Variants in TPH2 observed in about 807,000 individuals in gnomAD.
TPH2 encodes the protein tryptophan hydroxylase 2, also known as tryptophan 5-hydroxylase 2.
In TPH2, 27 loss-of-function variants were observed where a neutral mutation model predicts 59.1. That is an observed-to-expected ratio of 0.46 (90% CI 0.34 to 0.63). The LOEUF is 0.63. TPH2 is among the 30% of genes least tolerant of loss of function. The pLI is 0.01. For synonymous variants in TPH2, 220 were observed against 210.5 expected (o/e 1.05, Z -0.39); for missense variants, 523 against 588.3 (o/e 0.89, Z 1.15).
intron 7 of TPH2, among the ~76,000 whole-genome samples, chr12:71,986,982 G>A (rs1872454930): frequency 6.6e-6 from 1 of 152,184 alleles, no homozygotes; most frequent in South Asian, 2.1e-4. Context: ...AATTGTGTCT[G>A]TGGGTGGGCA....
chr12:71,954,136 C>T (rs181934677), intron 5 of TPH2, among the ~76,000 whole-genome samples: 1 of 152,194 alleles, frequency 6.6e-6, no homozygotes, highest in Non-Finnish European at 1.5e-5. Flanking sequence ...ACAGCAGGCT[C>T]AAAGTCTGTA....
intron 5 of TPH2, among the ~76,000 whole-genome samples, chr12:71,956,271 C>T (rs1413238176): frequency 6.6e-6 from 1 of 152,140 alleles, no homozygotes; most frequent in Non-Finnish European, 1.5e-5. Flanking sequence ...CTTGCTGTAT[C>T]CATTAGATTC....
intron 8 of TPH2, among the ~76,000 whole-genome samples, chr12:71,996,237 A>T (rs1418654946): frequency 6.6e-6 from 1 of 152,244 alleles, no homozygotes; most frequent in Non-Finnish European, 1.5e-5. Context: ...TGACATAGCC[A>T]CTGGCTTCCT....
rs1320729685 is a variant in TPH2 at position 71,994,518 on chromosome 12, CT to C, written c.1022del (p.Leu341ArgfsTer14). The C allele has an allele frequency of 1.6e-5, 26 of 1,613,970 alleles. No individual in the cohort carries two copies. The highest frequency in any genetic ancestry group is 2.2e-5 in the Non-Finnish European group (26 of 1,179,894). The part of the protein sequence containing the change: ...KFAQFSQEIG[L>X]ASLGASDEDV... ...TGCTCAGTTTTCACAAGAAATAGGT[CT>C]GGCGTCTCTGGGAGCATCAGATGAA... On this transcript the variant is annotated frameshift_variant, in exon 8 of 11. Coordinates refer to ENST00000333850, the MANE Select transcript of TPH2 (RefSeq NM_173353.4). LOFTEE classifies it high-confidence loss of function.
chr12:72,031,541 C>T lies in TPH2; in HGVS notation c.1319C>T (p.Thr440Ile). 6.2e-7 allele frequency: 1 copy of T among 1,613,544 alleles called. No homozygotes were observed. Among genetic ancestry groups the T allele is most frequent in the Non-Finnish European group, 8.5e-7 (1 of 1,179,650 alleles). The change falls in exon 11 of 11, where the codon ACC (threonine) becomes ATC (isoleucine). Residue 440 changes from threonine to isoleucine, a missense_variant. Thr to Ile is a moderately conservative substitution (Grantham distance 89). Coordinates refer to ENST00000333850, the MANE Select transcript of TPH2 (RefSeq NM_173353.4). ...TGCAGGGACTTTGCAAAGTCAATTA[C>T]CCGTCCCTTCTCAGTATACTTCAAT... Reference protein sequence around the residue: ...EKMRDFAKSITRPFSVYFNPY... With the variant: ...EKMRDFAKSIIRPFSVYFNPY...
intron 2 of TPH2, among the ~76,000 whole-genome samples, chr12:71,942,306 G>A (rs989931985): frequency 1.3e-5 from 2 of 152,134 alleles, no homozygotes; most frequent in Non-Finnish European, 2.9e-5. Flanking sequence ...CAAATCTGTA[G>A]TTTGAACCCT....
intron 5 of TPH2, among the ~76,000 whole-genome samples, chr12:71,967,141 A>G (rs1871839794): frequency 6.6e-6 from 1 of 152,244 alleles, no homozygotes; most frequent in East Asian, 1.9e-4. Context: ...TTTGTTAAAC[A>G]ACTTCAGTCT....
At chr12:72,000,426 C>A (rs571757650) in intron 8 of TPH2, among the ~76,000 whole-genome samples, 85 of 152,214 alleles carry the variant, frequency 5.6e-4, no homozygotes, top group Non-Finnish European at 7.8e-4. Context: ...GTGATGTATA[C>A]GAAGTAACCT....
At position 71,963,075 on chromosome 12, in the gene TPH2, C is replaced by T. The variant is rs1325670967; in HGVS notation, c.609-9444C>T. On this transcript the variant is annotated intron_variant, in intron 5 of 10. Coordinates refer to ENST00000333850, the MANE Select transcript of TPH2 (RefSeq NM_173353.4). ...GGTAGCAGGGATACAAAAATGAACA[C>T]AGCAACAAAAATCTCTGCCTTCAAA... Among the ~76,000 whole-genome samples, 6 of 52,968 alleles carry T rather than the reference C, an allele frequency of 1.1e-4. 3 individuals are homozygous for T. The Admixed American group carries it at 1.1e-3, about 10-fold the overall frequency. 34.7% of individuals were successfully genotyped at this position (52,968 alleles called of 152,430 possible).
At chr12:71,989,787 G>T (rs1443733478) in intron 7 of TPH2, among the ~76,000 whole-genome samples, 1 of 152,156 alleles carries the variant, frequency 6.6e-6, no homozygotes, top group African/African-American at 2.4e-5. Flanking sequence ...ATAGCAAAAT[G>T]ATGGCTACTT....
intron 8 of TPH2, among the ~76,000 whole-genome samples, chr12:72,004,627 AG>A (rs765403516): frequency 3.9e-5 from 6 of 152,214 alleles, no homozygotes; most frequent in African/African-American, 7.2e-5. Context: ...TATAAAAGAA[AG>A]GGTTTTCTGG....
At chr12:72,006,853 A>G (rs1872967770) in intron 8 of TPH2, among the ~76,000 whole-genome samples, 1 of 152,144 alleles carries the variant, frequency 6.6e-6, no homozygotes, top group South Asian at 2.1e-4. Flanking sequence ...ACAATCTTGT[A>G]GAGCTGTTGT....
chr12:72,022,321 A>G (rs1873441355), intron 8 of TPH2, 78 bp from the exon 9 acceptor site: 1 of 958,822 alleles, frequency 1.0e-6, no homozygotes, highest in Non-Finnish European at 1.7e-6. Context: ...ACAGCCCACC[A>G]TTTTGTTTTG....
At position 71,952,761 on chromosome 12, in the gene TPH2, C is replaced by A. The variant is rs554084387; in HGVS notation, c.608+3106C>A. Reference sequence around the variant, plus strand: ...GTGCAACCTCATTGTGCCAAGGCTGCTTCATCTGGGAAGTGTGCCCAACAA... The same window carrying A: ...GTGCAACCTCATTGTGCCAAGGCTGATTCATCTGGGAAGTGTGCCCAACAA... On this transcript the variant is annotated intron_variant, in intron 5 of 10. Coordinates refer to ENST00000333850, the MANE Select transcript of TPH2 (RefSeq NM_173353.4). 2.1e-4 allele frequency among the ~76,000 whole-genome samples: 32 copies of A among 152,274 alleles called. No homozygotes were observed. The South Asian group carries it at 6.4e-3, about 31-fold the overall frequency.
At position 71,974,666 on chromosome 12, in the gene TPH2, C is replaced by T. The variant is rs1872067251; in HGVS notation, c.805+1951C>T. Among the ~76,000 whole-genome samples, 3 of 152,302 alleles carry T rather than the reference C, an allele frequency of 2.0e-5. No homozygotes were observed. In the South Asian group the frequency reaches 6.2e-4, roughly 32 times the overall value. On this transcript the variant is annotated intron_variant, in intron 6 of 10. Transcript: ENST00000333850. ...TACTCACAGATTCAGGAGATTAAGACATAGGCATCCTTGGGGGGCCATTAC... is the reference window on the plus strand; with the variant it reads ...TACTCACAGATTCAGGAGATTAAGATATAGGCATCCTTGGGGGGCCATTAC...
chr12:71,976,122 A>T (rs1872111137), intron 6 of TPH2, among the ~76,000 whole-genome samples: 1 of 152,224 alleles, frequency 6.6e-6, no homozygotes, highest in Non-Finnish European at 1.5e-5. Context: ...ACCTTAGAAG[A>T]GTCACCTTAA....
At chr12:72,002,539 CACTTG>C (rs1872852289) in intron 8 of TPH2, among the ~76,000 whole-genome samples, 1 of 152,126 alleles carries the variant, frequency 6.6e-6, no homozygotes, top group Non-Finnish European at 1.5e-5. Context: ...CTATGGAGTG[CACTTG>C]ACAAGTAATA....
chr12:71,979,965 GAC>G (rs1439550040), intron 7 of TPH2, among the ~76,000 whole-genome samples: 4 of 152,182 alleles, frequency 2.6e-5, no homozygotes, highest in African/African-American at 9.7e-5. Flanking sequence ...CAGACAGACA[GAC>G]AGACAGACAG....
chr12:71,962,641 AT>A, intron 5 of TPH2: 1 of 985,264 alleles, frequency 1.0e-6, no homozygotes, highest in South Asian at 4.7e-5. Context: ...AGGCATAACT[AT>A]TTTTTCCCTA....
Sources: gnomAD v4.1 joint callset for allele counts (sites outside exome capture counted in the v4.1 genomes callset) on GRCh38, gnomAD v4.1.1 for gene constraint, MANE v1.5 for transcripts, NCBI Gene and HGNC (gene_info 2026-07-23, HGNC 2026-07-21) for gene names.